ATF7IP2: variants seen among roughly 807,000 people sequenced by gnomAD.
ATF7IP2 encodes activating transcription factor 7-interacting protein 2.
A neutral mutation model predicts 64.2 loss-of-function variants in ATF7IP2; 42 were observed. That is an observed-to-expected ratio of 0.65 (90% CI 0.51 to 0.85). The LOEUF is 0.85. Ranked by LOEUF, ATF7IP2 falls within the 40% of genes least tolerant of loss-of-function variation. The probability of loss-of-function intolerance (pLI) is 0.00; values close to 1 mark genes in which losing one functional copy is unlikely to be tolerated. For synonymous variants in ATF7IP2, 308 were observed against 272.8 expected (o/e 1.13, Z -1.27); for missense variants, 933 against 784.2 (o/e 1.19, Z -2.27).
chr16:10,391,049 T>C (rs1299315917), intron 1 of ATF7IP2, among the ~76,000 whole-genome samples: 2 of 151,422 alleles, frequency 1.3e-5, no homozygotes, highest in Non-Finnish European at 2.9e-5. Flanking sequence ...TCCTAGCTAC[T>C]CTGGAGAATG....
intron 8 of ATF7IP2, among the ~76,000 whole-genome samples, chr16:10,456,171 C>T (rs1392307078): frequency 6.6e-6 from 1 of 151,676 alleles, no homozygotes; most frequent in Non-Finnish European, 1.5e-5. Context: ...GCCTGATTTC[C>T]TCTTGCTTCT....
At chr16:10,426,469 A>C (rs574165041) in intron 3 of ATF7IP2, among the ~76,000 whole-genome samples, 1 of 152,324 alleles carries the variant, frequency 6.6e-6, no homozygotes, top group Non-Finnish European at 1.5e-5. Flanking sequence ...ACCTCTCCTC[A>C]GAGCCGGAAG....
intron 8 of ATF7IP2, among the ~76,000 whole-genome samples, chr16:10,451,739 C>G (rs2048991982): frequency 6.6e-6 from 1 of 151,838 alleles, no homozygotes; most frequent in South Asian, 2.1e-4. Flanking sequence ...TTTCAAAGCT[C>G]TTAGCTTCCT....
chr16:10,432,695 C>T (rs1030522982), intron 5 of ATF7IP2, among the ~76,000 whole-genome samples: 7 of 152,242 alleles, frequency 4.6e-5, no homozygotes, highest in Middle Eastern at 6.8e-3. Context: ...ATGGCGAAAC[C>T]CCGTCTCTAC....
intron 6 of ATF7IP2, among the ~76,000 whole-genome samples, chr16:10,434,743 G>A (rs187250972): frequency 2.2e-4 from 34 of 152,304 alleles, no homozygotes; most frequent in Middle Eastern, 3.4e-3. Context: ...GAAGGTTGGG[G>A]ATTCCAGCTG....
At chr16:10,477,883 T>C (rs1220440870) in intron 12 of ATF7IP2, among the ~76,000 whole-genome samples, 2 of 150,106 alleles carry the variant, frequency 1.3e-5, no homozygotes, top group Non-Finnish European at 3.0e-5. Flanking sequence ...AGCCAAATCA[T>C]GAGTGAACTC....
intron 1 of ATF7IP2, among the ~76,000 whole-genome samples, chr16:10,413,397 T>A (rs2047810269): frequency 6.6e-6 from 1 of 152,320 alleles, no homozygotes; most frequent in Admixed American, 6.5e-5. Context: ...ATGTCAGAAG[T>A]GCATTTTGCC....
intron 1 of ATF7IP2, among the ~76,000 whole-genome samples, chr16:10,412,654 T>C (rs1274553065): frequency 2.0e-5 from 3 of 152,206 alleles, no homozygotes; most frequent in African/African-American, 4.8e-5. Flanking sequence ...ATTCTGCAGT[T>C]GTTGGGTAGA....
chr16:10,433,324 C>A (rs573361671), intron 5 of ATF7IP2, among the ~76,000 whole-genome samples: 11 of 152,036 alleles, frequency 7.2e-5, no homozygotes, highest in Non-Finnish European at 8.8e-5. Context: ...TACGGGCATG[C>A]CCCACCATAC....
At chr16:10,404,001 T>C (rs2047585380) in intron 1 of ATF7IP2, among the ~76,000 whole-genome samples, 1 of 152,150 alleles carries the variant, frequency 6.6e-6, no homozygotes, top group African/African-American at 2.4e-5. Flanking sequence ...AGCAAATATT[T>C]AGGGAACCTT....
intron 13 of ATF7IP2, 65 bp from the exon 14 acceptor site, chr16:10,481,771 T>C (rs2050238719): frequency 6.1e-6 from 8 of 1,301,746 alleles, no homozygotes; most frequent in Non-Finnish European, 7.4e-6. Context: ...GAATGAGAAA[T>C]ATATATTTCT....
intron 3 of ATF7IP2, among the ~76,000 whole-genome samples, chr16:10,424,739 T>C (rs1316611629): frequency 6.6e-6 from 1 of 152,184 alleles, no homozygotes; most frequent in Non-Finnish European, 1.5e-5. Context: ...ATGAAAAGAT[T>C]CTCAACATCA....
intron 9 of ATF7IP2, among the ~76,000 whole-genome samples, chr16:10,459,778 A>G (rs2049312156): frequency 6.6e-6 from 1 of 152,228 alleles, no homozygotes; most frequent in Admixed American, 6.5e-5. Flanking sequence ...AACTCAGAAT[A>G]GAGGTAACTT....
At chr16:10,412,010 G>GTTT (rs71133351) in intron 1 of ATF7IP2, among the ~76,000 whole-genome samples, 2 of 58,386 alleles carry the variant, frequency 3.4e-5, no homozygotes, top group African/African-American at 1.2e-4. Context: ...ATCTTTTTTT[G>GTTT]TTTTTTTTTT....
intron 3 of ATF7IP2, among the ~76,000 whole-genome samples, chr16:10,425,985 A>G (rs117060395): frequency 4.4e-4 from 67 of 152,254 alleles, no homozygotes; most frequent in Admixed American, 2.6e-3. Flanking sequence ...AGATTAGATA[A>G]TTTTATTATT....
intron 9 of ATF7IP2, among the ~76,000 whole-genome samples, chr16:10,462,750 C>A (rs2049416984): frequency 6.6e-6 from 1 of 152,050 alleles, no homozygotes; most frequent in South Asian, 2.1e-4. Context: ...CTTTCATTAT[C>A]TTGGGAAAAT....
intron 5 of ATF7IP2, among the ~76,000 whole-genome samples, chr16:10,433,322 T>C (rs2048318437): frequency 6.6e-6 from 1 of 152,088 alleles, no homozygotes; most frequent in Admixed American, 6.6e-5. Context: ...ACTACGGGCA[T>C]GCCCCACCAT....
chr16:10,396,697 C>G (rs1295397592), intron 1 of ATF7IP2, among the ~76,000 whole-genome samples: 1 of 151,908 alleles, frequency 6.6e-6, no homozygotes, highest in Non-Finnish European at 1.5e-5. Flanking sequence ...CACTGTCTCA[C>G]AGGATGGAGT....
intron 1 of ATF7IP2, among the ~76,000 whole-genome samples, chr16:10,390,687 G>T (rs1007741393): frequency 6.6e-6 from 1 of 152,132 alleles, no homozygotes; most frequent in African/African-American, 2.4e-5. Flanking sequence ...TCCTTGGGAG[G>T]CTGAGGCAGT....
Sources: allele counts gnomAD v4.1 joint callset (sites outside exome capture counted in the v4.1 genomes callset), GRCh38; gene constraint gnomAD v4.1.1; transcripts MANE v1.5; gene names NCBI Gene and HGNC (gene_info 2026-07-23, HGNC 2026-07-21).